NOS1: variants seen among roughly 807,000 people sequenced by gnomAD.
NOS1 encodes the protein nitric oxide synthase 1, also known as NOS type I.
A neutral mutation model predicts 164.5 loss-of-function variants in NOS1; 51 were observed. The observed-to-expected ratio is 0.31, with a 90% CI of 0.25 to 0.39. The LOEUF (loss-of-function observed/expected upper bound fraction) is 0.39. NOS1 is among the 10% of genes least tolerant of loss of function. The pLI is 1.00. For synonymous variants in NOS1, 719 were observed against 745.8 expected, an observed-to-expected ratio of 0.96 and a Z score of 0.59; for missense variants, 1,362 against 1,885.6, an observed-to-expected ratio of 0.72 and a Z score of 5.14.
At chr12:117,278,247 G>A in intron 8 of NOS1, 149 bp from the exon 9 acceptor site, 1 of 824,672 alleles carries the variant, frequency 1.2e-6, no homozygotes, top group South Asian at 2.5e-5. Context: ...CACATCACCT[G>A]CTTTATAGAG....
chr12:117,326,974 G>C (rs1007393913), intron 2 of NOS1, among the ~76,000 whole-genome samples: 9 of 152,206 alleles, frequency 5.9e-5, no homozygotes, highest in African/African-American at 2.2e-4. Context: ...TTCTGGAAGA[G>C]AGGGTGCACT....
rs1328925511 is a variant in NOS1, at chr12:117,213,867, C to A, written c.*1442G>T. The A allele has an allele frequency of 2.0e-6, 2 of 985,236 alleles. No homozygotes were observed. Among genetic ancestry groups the A allele is most frequent in the Non-Finnish European group, 2.4e-6 (2 of 829,898 alleles). 61.0% of individuals were successfully genotyped at this position (985,236 alleles called of 1,614,324 possible). On this transcript the variant is annotated 3_prime_UTR_variant, in exon 29 of 29. Coordinates refer to ENST00000317775, the MANE Select transcript of NOS1 (RefSeq NM_000620.5). ...AAGTATACAAAGGGATCCCTTCCCA[C>A]CATTTACTCTGAGAGAGTAAATTCA...
intron 25 of NOS1, among the ~76,000 whole-genome samples, chr12:117,224,656 T>C (rs1040137110): frequency 6.6e-6 from 1 of 152,254 alleles, no homozygotes. Context: ...GCTGATCTGC[T>C]GTGTCTTTCA....
At chr12:117,309,305 G>C in intron 3 of NOS1, 1 of 981,418 alleles carries the variant, frequency 1.0e-6, no homozygotes, top group Non-Finnish European at 1.2e-6. Context: ...TGGGACCATG[G>C]GTCTGACCTA....
At position 117,272,321 on chromosome 12, in the gene NOS1, G is replaced by C; in HGVS notation, c.1839+64C>G. ...CCACCAAGCTCGCCGTGGGGAAGGG[G>C]ACTGCTGAGCTGGCACCCTCTGCTA... On this transcript the variant is annotated intron_variant, in intron 10 of 28. Transcript: ENST00000317775. This position sits in a 1 kb window ranked among gnomAD's most constrained non-coding sequence, Gnocchi z 4.3. 6.4e-7 allele frequency: 1 copy of C among 1,571,392 alleles called. No individual in the cohort carries two copies.
At position 117,210,582 on chromosome 12, in the gene NOS1, T is replaced by C. The variant is rs548222302; in HGVS notation, c.*4727A>G. On this transcript the variant is annotated 3_prime_UTR_variant, in exon 29 of 29. Coordinates refer to ENST00000317775, the MANE Select transcript of NOS1 (RefSeq NM_000620.5). ...AGAATGAAAAGGCTGCATTAGGCGCTGGTGCTGTCGGAGTGAAGGGGCTCA... is the reference window on the plus strand; with the variant it reads ...AGAATGAAAAGGCTGCATTAGGCGCCGGTGCTGTCGGAGTGAAGGGGCTCA... 1.7e-4 allele frequency: 163 copies of C among 985,496 alleles called. No homozygotes were observed. The African/African-American group carries it at 2.6e-3, about 16-fold the overall frequency. 61.0% of individuals were successfully genotyped at this position (985,496 alleles called of 1,614,324 possible). A position where few individuals can be genotyped will look rare whatever the true frequency, so the allele number is the denominator to read the frequency against.
chr12:117,284,823 G>A (rs1410123543), intron 7 of NOS1, among the ~76,000 whole-genome samples: 1 of 152,094 alleles, frequency 6.6e-6, no homozygotes, highest in East Asian at 1.9e-4. Flanking sequence ...GCCGAGGCGG[G>A]TGGAGCACTT....
intron 22 of NOS1, among the ~76,000 whole-genome samples, chr12:117,229,067 C>T (rs1348567768): frequency 6.6e-6 from 1 of 152,228 alleles, no homozygotes; most frequent in Non-Finnish European, 1.5e-5. Flanking sequence ...AGGCATGAGC[C>T]ACTGCGACCG....
At chr12:117,318,851 A>G (rs1272401815) in intron 2 of NOS1, among the ~76,000 whole-genome samples, 3 of 151,676 alleles carry the variant, frequency 2.0e-5, no homozygotes, top group Admixed American at 6.6e-5. Flanking sequence ...CAGACACTCC[A>G]CTCTCTCTGA....
intron 24 of NOS1, 78 bp from the exon 25 acceptor site, chr12:117,225,215 G>T (rs2135931501): frequency 7.2e-6 from 11 of 1,531,372 alleles, no homozygotes; most frequent in East Asian, 6.8e-5. Flanking sequence ...GGTAGACCAG[G>T]TGGCCATCTT....
intron 1 of NOS1, among the ~76,000 whole-genome samples, chr12:117,339,762 T>C (rs1175942953): frequency 6.6e-6 from 1 of 152,222 alleles, no homozygotes; most frequent in African/African-American, 2.4e-5. Flanking sequence ...AGATACAGTG[T>C]TAAATTTAAA....
At chr12:117,259,168 A>T (rs1317620892) in intron 14 of NOS1, 38 bp from the exon 15 acceptor site, 4 of 1,388,382 alleles carry the variant, frequency 2.9e-6, no homozygotes, top group Non-Finnish European at 4.1e-6. Flanking sequence ...TGGGGAGAGG[A>T]AGAAGGGGAT....
chr12:117,326,895 G>T (rs950668027), intron 2 of NOS1, among the ~76,000 whole-genome samples: 1 of 152,168 alleles, frequency 6.6e-6, no homozygotes, highest in East Asian at 1.9e-4. Context: ...ACCAATCCTC[G>T]TGTCCCAGAC....
At chr12:117,285,639 G>A (rs971256418) in intron 6 of NOS1, among the ~76,000 whole-genome samples, 1 of 151,874 alleles carries the variant, frequency 6.6e-6, no homozygotes, top group Non-Finnish European at 1.5e-5. Flanking sequence ...TTTTCTGTTA[G>A]GTTACTAGGG....
chr12:117,286,296 T>A, intron 5 of NOS1, 30 bp from the exon 6 acceptor site: 1 of 1,611,542 alleles, frequency 6.2e-7, no homozygotes, highest in Non-Finnish European at 8.5e-7. Flanking sequence ...CATGGGAACA[T>A]CACCCCCTCT....
chr12:117,254,638 A>G (rs1460027933), intron 16 of NOS1, among the ~76,000 whole-genome samples: 2 of 152,302 alleles, frequency 1.3e-5, no homozygotes, highest in East Asian at 3.9e-4. Flanking sequence ...TGAGTTAAAT[A>G]CAAGTCAATG....
At position 117,303,279 on chromosome 12, in the gene NOS1, C is replaced by T. The variant is rs192074467; in HGVS notation, c.852+8187G>A. Among the ~76,000 whole-genome samples, 438 of 152,226 alleles carry T rather than the reference C, an allele frequency of 2.9e-3. 4 individuals carry two copies. The highest frequency in any genetic ancestry group is 7.0e-3 in the Admixed American group (107 of 15,296). On this transcript the variant is annotated intron_variant, in intron 3 of 28. Coordinates refer to ENST00000317775, the MANE Select transcript of NOS1 (RefSeq NM_000620.5). ...GATCCCCTAAAGATTGGGAAAGAAA[C>T]GGCCCGCAAGCCTGTCCCCCACCTT... is the stretch of plus-strand genomic sequence containing the variant.
chr12:117,218,893 T>C (rs1956654021), intron 27 of NOS1, among the ~76,000 whole-genome samples: 1 of 151,632 alleles, frequency 6.6e-6, no homozygotes, highest in African/African-American at 2.4e-5. Context: ...TGGTTGGGAG[T>C]GTGCGTCTGG....
At chr12:117,293,523 C>T (rs1274899791) in intron 3 of NOS1, among the ~76,000 whole-genome samples, 3 of 152,002 alleles carry the variant, frequency 2.0e-5, no homozygotes, top group African/African-American at 7.2e-5. Flanking sequence ...TCATAGTCAC[C>T]CCTAAATGTT....
Sources: allele counts gnomAD v4.1 joint callset (sites outside exome capture counted in the v4.1 genomes callset), GRCh38; gene constraint gnomAD v4.1.1; non-coding constraint Gnocchi (gnomAD v3.1); transcripts MANE v1.5; gene names NCBI Gene and HGNC (gene_info 2026-07-23, HGNC 2026-07-21).